Variants in PTPN13 observed in about 807,000 individuals in gnomAD.
The protein encoded by PTPN13 is protein tyrosine phosphatase non-receptor type 13.
PTPN13 carries 191 observed loss-of-function variants against 284.0 expected under a neutral mutation model. The ratio of observed to expected loss-of-function variants is 0.67; its 90% CI spans 0.60 to 0.76. PTPN13 has a LOEUF of 0.76. Among genes scored for constraint, PTPN13 ranks in the 30% least tolerant of loss-of-function variants. PTPN13 has a pLI of 0.00. For synonymous variants in PTPN13, 986 were observed against 1,022.3 expected (o/e 0.96, Z 0.68); for missense variants, 2,797 against 2,939.9 (o/e 0.95, Z 1.12).
chr4:86,732,572 G>A lies in PTPN13; in HGVS notation c.1684-20G>A, dbSNP rs554117499. ...TATAATGCTTATTTTAATAAATGCCGTTTATTTTTTCAATTGTAGACTAAG... is the reference window on the plus strand; with the variant it reads ...TATAATGCTTATTTTAATAAATGCCATTTATTTTTTCAATTGTAGACTAAG... On this transcript the variant is annotated intron_variant, in intron 11 of 47. Transcript: ENST00000411767. 271 of 1,602,182 alleles carry A rather than the reference G, an allele frequency of 1.7e-4. No individual in the cohort carries two copies. The highest frequency in any genetic ancestry group is 2.3e-4 in the South Asian group (21 of 89,812).
At chr4:86,615,724 T>A (rs1480023407) in intron 1 of PTPN13, among the ~76,000 whole-genome samples, 1 of 152,166 alleles carries the variant, frequency 6.6e-6, no homozygotes, top group East Asian at 1.9e-4. Context: ...GGTACATATA[T>A]GATACTGAAA....
At chr4:86,634,331 C>T (rs1050764652) in intron 1 of PTPN13, among the ~76,000 whole-genome samples, 1 of 152,036 alleles carries the variant, frequency 6.6e-6, no homozygotes, top group Non-Finnish European at 1.5e-5. Context: ...AATTTTCAAG[C>T]TGTGTCAATT....
intron 2 of PTPN13, among the ~76,000 whole-genome samples, chr4:86,646,084 A>G (rs984240142): frequency 2.6e-5 from 4 of 151,756 alleles, no homozygotes; most frequent in Non-Finnish European, 4.4e-5. Flanking sequence ...ATATCCATAT[A>G]TCAAAAATTA....
intron 2 of PTPN13, among the ~76,000 whole-genome samples, chr4:86,644,776 T>C (rs1296736473): frequency 6.6e-6 from 1 of 152,212 alleles, no homozygotes; most frequent in Non-Finnish European, 1.5e-5. Context: ...ATCCTAGGAA[T>C]GCAAGATTAG....
At chr4:86,604,486 G>A (rs555259053) in intron 1 of PTPN13, among the ~76,000 whole-genome samples, 27 of 151,920 alleles carry the variant, frequency 1.8e-4, no homozygotes, top group South Asian at 8.3e-4. Context: ...GGTTTGATTA[G>A]GCCACTGCTA....
intron 17 of PTPN13, 110 bp from the exon 18 acceptor site, chr4:86,750,360 C>T: frequency 2.0e-6 from 2 of 1,009,846 alleles, no homozygotes; most frequent in Non-Finnish European, 2.9e-6. Context: ...CCTACTTATG[C>T]TGGCAATCAA....
intron 23 of PTPN13, among the ~76,000 whole-genome samples, chr4:86,761,164 A>ATATATG (rs1738639830): frequency 6.8e-6 from 1 of 146,314 alleles, no homozygotes; most frequent in African/African-American, 2.5e-5. Flanking sequence ...ATATATATAT[A>ATATATG]TATATAAACA....
At chr4:86,615,179 ATGCTATTGCATTGATT>A (rs1247799586) in intron 1 of PTPN13, among the ~76,000 whole-genome samples, 1 of 152,280 alleles carries the variant, frequency 6.6e-6, no homozygotes, top group East Asian at 1.9e-4. Flanking sequence ...AAGATGGCAT[ATGCTATTGCATTGATT>A]TTGTTTTCTG....
At chr4:86,719,369 C>G (rs1470402136) in intron 9 of PTPN13, among the ~76,000 whole-genome samples, 1 of 152,136 alleles carries the variant, frequency 6.6e-6, no homozygotes, top group Non-Finnish European at 1.5e-5. Flanking sequence ...TTTCTTTATA[C>G]AATCTGTCAT....
At chr4:86,605,669 T>A (rs1764683681) in intron 1 of PTPN13, among the ~76,000 whole-genome samples, 1 of 151,906 alleles carries the variant, frequency 6.6e-6, no homozygotes, top group African/African-American at 2.4e-5. Context: ...TGATAGTATC[T>A]TCAGAAAGTG....
chr4:86,716,928 G>T (rs995645574), intron 8 of PTPN13, 96 bp from the exon 9 acceptor site: 2 of 817,816 alleles, frequency 2.4e-6, no homozygotes, highest in East Asian at 2.7e-5. Context: ...GATTAGATTT[G>T]TACAACTCTA....
intron 42 of PTPN13, among the ~76,000 whole-genome samples, chr4:86,800,846 T>TTA (rs1264103034): frequency 6.6e-6 from 1 of 152,170 alleles, no homozygotes; most frequent in Non-Finnish European, 1.5e-5. Context: ...CACCCAGCCT[T>TTA]TAAGTTCCTG....
intron 42 of PTPN13, among the ~76,000 whole-genome samples, chr4:86,800,712 GAGGGAGGGAGGAAGGAAGGA>G (rs1361725680): frequency 1.3e-5 from 2 of 149,120 alleles, no homozygotes; most frequent in South Asian, 2.2e-4. Context: ...AGCAGGGAGG[GAGGGAGGGAGGAAGGAAGGA>G]AGGGAGGGAG....
intron 6 of PTPN13, among the ~76,000 whole-genome samples, chr4:86,701,023 G>T (rs912378925): frequency 6.6e-6 from 1 of 152,034 alleles, no homozygotes; most frequent in Non-Finnish European, 1.5e-5. Flanking sequence ...TCAGTATATT[G>T]CTTTTATTAG....
At chr4:86,712,241 T>A (rs143761884) in intron 7 of PTPN13, among the ~76,000 whole-genome samples, 26 of 151,870 alleles carry the variant, frequency 1.7e-4, no homozygotes, top group African/African-American at 6.3e-4. Context: ...GTTAGTAATG[T>A]TAGCATACCT....
intron 40 of PTPN13, among the ~76,000 whole-genome samples, chr4:86,792,885 G>A (rs1742849104): frequency 6.6e-6 from 1 of 152,310 alleles, no homozygotes; most frequent in East Asian, 1.9e-4. Context: ...GGAACATCCA[G>A]TACCAGCCAC....
chr4:86,653,637 C>T (rs1385415899), intron 2 of PTPN13, among the ~76,000 whole-genome samples: 1 of 151,972 alleles, frequency 6.6e-6, no homozygotes, highest in Non-Finnish European at 1.5e-5. Flanking sequence ...TTCAGAAGTC[C>T]ATAATATAAA....
At chr4:86,640,915 C>G (rs948286353) in intron 2 of PTPN13, among the ~76,000 whole-genome samples, 45 of 152,152 alleles carry the variant, frequency 3.0e-4, no homozygotes, top group African/African-American at 9.9e-4. Flanking sequence ...CAGTCTAATT[C>G]ACAGAGTATT....
At chr4:86,734,067 C>T (rs1223254350) in intron 12 of PTPN13, among the ~76,000 whole-genome samples, 2 of 152,018 alleles carry the variant, frequency 1.3e-5, no homozygotes, top group African/African-American at 4.8e-5. Context: ...ATGTTGTGAC[C>T]AGGTGTTGAA....
Sources: gnomAD v4.1 joint callset for allele counts (sites outside exome capture counted in the v4.1 genomes callset) on GRCh38, gnomAD v4.1.1 for gene constraint, MANE v1.5 for transcripts, NCBI Gene and HGNC (gene_info 2026-07-23, HGNC 2026-07-21) for gene names.